The following SLC14A2 variants were observed in gnomAD, a reference collection of about 807,000 sequenced individuals.
SLC14A2 encodes the protein solute carrier family 14 member 2.
Under a neutral mutation model 104.6 loss-of-function variants are expected in SLC14A2, and 91 were observed. That is an observed-to-expected ratio of 0.87 (90% confidence interval 0.73 to 1.04). The LOEUF (loss-of-function observed/expected upper bound fraction) is 1.04. Among genes scored for constraint, SLC14A2 ranks in the 50% least tolerant of loss-of-function variants. The pLI, the probability that SLC14A2 is intolerant of heterozygous loss-of-function variation, is 0.00. For synonymous variants in SLC14A2, 476 were observed against 466.4 expected, an observed-to-expected ratio of 1.02 and a Z score of -0.27; for missense variants, 1,189 against 1,156.0, an observed-to-expected ratio of 1.03 and a Z score of -0.41.
At chr18:45,221,775 A>C (rs1310838890) in intron 1 of SLC14A2, among the ~76,000 whole-genome samples, 5 of 152,110 alleles carry the variant, frequency 3.3e-5, no homozygotes, top group African/African-American at 1.2e-4. Context: ...GGTGGGCACC[A>C]ACAATGTCTT....
chr18:45,297,167 G>T (rs2084925201), intron 1 of SLC14A2, among the ~76,000 whole-genome samples: 1 of 152,236 alleles, frequency 6.6e-6, no homozygotes, highest in East Asian at 1.9e-4. Context: ...GATCATGGGT[G>T]ATGTGTAGAT....
Position 45,349,717 on chromosome 18 carries a change from G to A in SLC14A2, c.-124-133516G>A, listed in dbSNP as rs73429981. Among the ~76,000 whole-genome samples, 863 of 152,240 alleles carry A rather than the reference G, an allele frequency of 5.7e-3. 9 individuals are homozygous for A. The highest frequency in any genetic ancestry group is 0.02 in the African/African-American group (823 of 41,530). ...TGGGCATTTCCCCAAATGTTTCCCT[G>A]GAATCATCCAAGGTGTTGTCATCTC... is the stretch of plus-strand genomic sequence containing the variant. On this transcript the variant is annotated intron_variant, in intron 1 of 20. Transcript: ENST00000586448.
At chr18:45,596,605 A>G (rs1383664595) in intron 2 of SLC14A2, among the ~76,000 whole-genome samples, 1 of 152,220 alleles carries the variant, frequency 6.6e-6, no homozygotes, top group Non-Finnish European at 1.5e-5. Context: ...CCCATCAGGA[A>G]GGGCAGCTGG....
intron 2 of SLC14A2, among the ~76,000 whole-genome samples, chr18:45,500,449 C>T (rs1427763339): frequency 1.3e-5 from 2 of 151,730 alleles, no homozygotes; most frequent in Non-Finnish European, 2.9e-5. Context: ...TGGTAGCGGG[C>T]GCCTGTAGTC....
Position 45,625,725 on chromosome 18 carries a change from G to A in SLC14A2, c.193G>A (p.Glu65Lys), listed in dbSNP as rs770465807. 49 of 1,562,764 alleles carry A rather than the reference G, an allele frequency of 3.1e-5. No homozygotes were observed. The highest frequency in any genetic ancestry group is 3.3e-4 in the Middle Eastern group (2 of 5,974). The change falls in exon 3 of 20, where the codon GAA becomes AAA. Residue 65 changes from glutamate (E) to lysine (K), a missense_variant. Physicochemically the swap from Glu to Lys is moderately conservative, Grantham distance 56 (BLOSUM62 1). Transcript: ENST00000255226. Reference sequence around the variant, plus strand: ...TGAAGACAGTCACATTGTGAAGATCGAAAAGCTCAATGAAAGGAGTAAAAG... The same window carrying A: ...TGAAGACAGTCACATTGTGAAGATCAAAAAGCTCAATGAAAGGAGTAAAAG... ...SNEDSHIVKI[E>K]KLNERSKRKD...
chr18:45,392,333 T>C (rs951892673), intron 1 of SLC14A2, among the ~76,000 whole-genome samples: 1 of 152,202 alleles, frequency 6.6e-6, no homozygotes, highest in South Asian at 2.1e-4. Context: ...GAGTTTTTAC[T>C]GCTAAATATT....
At chr18:45,396,632 T>G (rs2086035017) in intron 1 of SLC14A2, among the ~76,000 whole-genome samples, 2 of 146,900 alleles carry the variant, frequency 1.4e-5, no homozygotes, top group Non-Finnish European at 3.0e-5. Context: ...TTTTTGTTTT[T>G]GTTTTTTTTC....
At chr18:45,668,123 C>T in intron 14 of SLC14A2, 101 bp downstream of exon 14, 1 of 1,224,716 alleles carries the variant, frequency 8.2e-7, no homozygotes, top group East Asian at 2.4e-5. Context: ...AAAATAAGGA[C>T]ACTGACAACT....
rs1050759398 is a variant in SLC14A2 at position 45,486,664 on chromosome 18, AG to A, written c.-35+3343del. ...AAAATTTAGAAATCAACATAAAGAC[AG>A]ACCAGAAGAGTTAGACAAAGAAAAA... On this transcript the variant is annotated intron_variant, in intron 2 of 20. Coordinates refer to the SLC14A2 transcript ENST00000586448. Among the ~76,000 whole-genome samples, 12 of 152,220 alleles carry A rather than the reference AG, an allele frequency of 7.9e-5. 1 individual carries two copies. Among genetic ancestry groups the A allele is most frequent in the African/African-American group, 2.4e-5 (1 of 41,468 alleles).
At chr18:45,325,620 C>T (rs1318912565) in intron 1 of SLC14A2, among the ~76,000 whole-genome samples, 1 of 152,118 alleles carries the variant, frequency 6.6e-6, no homozygotes, top group Non-Finnish European at 1.5e-5. Context: ...TGTAGCACTA[C>T]CTTCTAGGAC....
chr18:45,429,825 G>C (rs1434911523), intron 1 of SLC14A2, among the ~76,000 whole-genome samples: 1 of 152,140 alleles, frequency 6.6e-6, no homozygotes, highest in African/African-American at 2.4e-5. Flanking sequence ...AAGACCTGCT[G>C]TTGTAGTCTG....
intron 1 of SLC14A2, among the ~76,000 whole-genome samples, chr18:45,351,259 C>A (rs114424662): frequency 6.6e-6 from 1 of 152,180 alleles, no homozygotes; most frequent in Non-Finnish European, 1.5e-5. Flanking sequence ...ATCACCATGG[C>A]AGAAGAAGAA....
At chr18:45,534,140 C>G (rs977132856) in intron 2 of SLC14A2, among the ~76,000 whole-genome samples, 2 of 152,100 alleles carry the variant, frequency 1.3e-5, no homozygotes, top group Non-Finnish European at 2.9e-5. Flanking sequence ...TGTGAGGAAG[C>G]AAAGCTGCAA....
chr18:45,667,899 A>G lies in SLC14A2; in HGVS notation c.1784A>G (p.Asn595Ser). 1 of 1,614,124 alleles carries G rather than the reference A, an allele frequency of 6.2e-7. No homozygotes were observed. The highest frequency in any genetic ancestry group is 1.1e-5 in the South Asian group (1 of 91,082). Residue 595 changes from asparagine to serine, a missense_variant, in exon 14 of 20, where the codon AAC becomes AGC. By Grantham distance (46) the Asn-to-Ser change is conservative. Transcript: ENST00000255226. Reference protein sequence around the residue: ...LRGTSQVMFVNNPLSGILIIL... With the variant: ...LRGTSQVMFVSNPLSGILIIL... ...GGCACATCTCAAGTGATGTTTGTGA[A>G]CAACCCCCTCAGCGGCATCCTCATC... is the stretch of plus-strand genomic sequence containing the variant.
At chr18:45,296,918 T>C (rs1321896997) in intron 1 of SLC14A2, among the ~76,000 whole-genome samples, 1 of 152,232 alleles carries the variant, frequency 6.6e-6, no homozygotes, top group Non-Finnish European at 1.5e-5. Flanking sequence ...CCTTTATGCC[T>C]CTTTGATAGC....
chr18:45,668,051 A>T, intron 14 of SLC14A2, 29 bp downstream of exon 14: 1 of 1,603,854 alleles, frequency 6.2e-7, no homozygotes, highest in Non-Finnish European at 8.5e-7. Context: ...GGGTCCAAAC[A>T]TGTAGCCAAG....
intron 2 of SLC14A2, among the ~76,000 whole-genome samples, chr18:45,502,028 C>G (rs1328590913): frequency 1.3e-5 from 2 of 152,128 alleles, no homozygotes; most frequent in African/African-American, 4.8e-5. Context: ...CTTAGAGGAG[C>G]ATAGAACTCA....
rs532316792 is a variant in SLC14A2 at position 45,627,780 on chromosome 18, C to T, written c.521+633C>T. ...TCTCAGCACTTTGGGAGGCTTAAGA[C>T]AGGCAGATCACTTGAGGCCAGGAGT... On this transcript the variant is annotated intron_variant, in intron 4 of 19. Coordinates refer to ENST00000255226, the MANE Select transcript of SLC14A2 (RefSeq NM_007163.4). Among the ~76,000 whole-genome samples the T allele has an allele frequency of 4.6e-5, 7 of 152,210 alleles. No individual in the cohort carries two copies. The East Asian group carries it at 1.4e-3, about 29-fold the overall frequency.
intron 1 of SLC14A2, among the ~76,000 whole-genome samples, chr18:45,370,238 A>C (rs1449933559): frequency 6.6e-6 from 1 of 152,186 alleles, no homozygotes; most frequent in Non-Finnish European, 1.5e-5. Context: ...ACGAATGTCT[A>C]GCCCCCACTT....
Sources: allele counts gnomAD v4.1 joint callset (sites outside exome capture counted in the v4.1 genomes callset), GRCh38; gene constraint gnomAD v4.1.1; transcripts MANE v1.5; gene names NCBI Gene and HGNC (gene_info 2026-07-23, HGNC 2026-07-21).